PDE4D: variants seen among roughly 807,000 people sequenced by gnomAD.
PDE4D encodes 3',5'-cyclic-AMP phosphodiesterase 4D.
Under a neutral mutation model 87.4 loss-of-function variants are expected in PDE4D, and 24 were observed. That is an observed-to-expected ratio of 0.27 (90% CI 0.20 to 0.39). The LOEUF (loss-of-function observed/expected upper bound fraction) is 0.39, where lower values mean the gene tolerates loss of function less well. Among genes scored for constraint, PDE4D ranks in the 10% least tolerant of loss-of-function variants. PDE4D has a pLI of 1.00. For missense variants in PDE4D, 714 were observed against 1,041.0 expected, an observed-to-expected ratio of 0.69 and a Z score of 4.32; for synonymous variants, 384 against 383.2, an observed-to-expected ratio of 1.00 and a Z score of -0.02.
intron 1 of PDE4D, among the ~76,000 whole-genome samples, chr5:59,456,376 T>G (rs994277705): frequency 6.6e-6 from 1 of 152,198 alleles, no homozygotes; most frequent in African/African-American, 2.4e-5. Flanking sequence ...CTTTGCTTGC[T>G]GCCATCCATG....
At chr5:59,054,134 T>C (rs1181517210) in intron 5 of PDE4D, among the ~76,000 whole-genome samples, 1 of 152,178 alleles carries the variant, frequency 6.6e-6, no homozygotes, top group African/African-American at 2.4e-5. Flanking sequence ...CCTGTCCACC[T>C]TGAAAGTGTC....
intron 1 of PDE4D, among the ~76,000 whole-genome samples, chr5:60,257,245 AAAG>A (rs1206597739): frequency 9.4e-5 from 12 of 127,780 alleles, no homozygotes; most frequent in African/African-American, 3.0e-4. Flanking sequence ...AGAAAGAAAG[AAAG>A]AAAGAAAAGA....
chr5:60,233,009 A>T (rs964762674), intron 1 of PDE4D, among the ~76,000 whole-genome samples: 7 of 151,890 alleles, frequency 4.6e-5, no homozygotes, highest in African/African-American at 1.7e-4. Context: ...AATCCCAATT[A>T]TCCCTTAATA....
At chr5:60,211,950 A>C (rs546744636) in intron 1 of PDE4D, among the ~76,000 whole-genome samples, 39 of 152,308 alleles carry the variant, frequency 2.6e-4, no homozygotes, top group African/African-American at 9.4e-4. Context: ...TCCATGATTA[A>C]CTTAATTTCA....
At chr5:59,788,801 A>G (rs950571182) in intron 1 of PDE4D, among the ~76,000 whole-genome samples, 1 of 152,268 alleles carries the variant, frequency 6.6e-6, no homozygotes, top group African/African-American at 2.4e-5. Context: ...CCCTTGTTGC[A>G]TTAGGCTAGA....
At chr5:59,508,998 G>A (rs563529551) in intron 1 of PDE4D, among the ~76,000 whole-genome samples, 4 of 151,996 alleles carry the variant, frequency 2.6e-5, no homozygotes, top group South Asian at 4.1e-4. Context: ...GAATGGCAAC[G>A]AGGCAATATT....
intron 1 of PDE4D, among the ~76,000 whole-genome samples, chr5:59,318,179 G>C (rs1282012443): frequency 6.6e-6 from 1 of 152,068 alleles, no homozygotes; most frequent in Admixed American, 6.6e-5. Context: ...CTCTGGTCTG[G>C]GTACACTGGA....
In PDE4D at chr5:60,016,011, T is replaced by TTC. The variant is rs557990158; in HGVS notation, c.43-27296_43-27295dup. On this transcript the variant is annotated intron_variant, in intron 2 of 16. Transcript: ENST00000502484. ...CACGCCATTCTTAAAATAATCTCTG[T>TTC]TCTCTCTCTCTCTCTGTGTGTGTGT... 7.3e-3 allele frequency among the ~76,000 whole-genome samples: 1,065 copies of TTC among 146,602 alleles called. 16 individuals carry two copies. Among genetic ancestry groups the TTC allele is most frequent in the African/African-American group, 0.025 (1,006 of 39,530 alleles).
chr5:59,181,571 T>TATATATATATATATATATATATATA (rs1554090340), intron 4 of PDE4D, among the ~76,000 whole-genome samples: 2 of 133,582 alleles, frequency 1.5e-5, no homozygotes, highest in African/African-American at 5.7e-5. Context: ...TATATATATA[T>TATATATATATATATATATATATATA]TAGGTATATA....
chr5:59,828,529 T>C (rs374071394), intron 1 of PDE4D, among the ~76,000 whole-genome samples: 3 of 152,100 alleles, frequency 2.0e-5, no homozygotes, highest in East Asian at 3.9e-4. Flanking sequence ...GGGGATGCTC[T>C]TTCAGATTTG....
At chr5:59,888,125 A>G (rs1289343074) in intron 1 of PDE4D, among the ~76,000 whole-genome samples, 2 of 152,248 alleles carry the variant, frequency 1.3e-5, no homozygotes, top group African/African-American at 2.4e-5. Context: ...CCATAATCTT[A>G]GAGAAATATG....
chr5:59,331,865 C>T (rs2153577180), intron 1 of PDE4D, among the ~76,000 whole-genome samples: 1 of 152,312 alleles, frequency 6.6e-6, no homozygotes, highest in African/African-American at 2.4e-5. Context: ...TGAAATTATC[C>T]TTCAACATTC....
chr5:59,645,180 G>A (rs1742244369), intron 1 of PDE4D, among the ~76,000 whole-genome samples: 1 of 152,126 alleles, frequency 6.6e-6, no homozygotes, highest in South Asian at 2.1e-4. Flanking sequence ...GTTTCCTTAG[G>A]CAAACAGATT....
intron 2 of PDE4D, among the ~76,000 whole-genome samples, chr5:60,005,394 A>G (rs1582139986): frequency 6.6e-6 from 1 of 152,072 alleles, no homozygotes; most frequent in Non-Finnish European, 1.5e-5. Flanking sequence ...GCTTGGTGAC[A>G]ATAGATAATA....
intron 1 of PDE4D, among the ~76,000 whole-genome samples, chr5:59,374,269 T>C (rs1337803067): frequency 6.6e-6 from 1 of 152,114 alleles, no homozygotes; most frequent in East Asian, 1.9e-4. Context: ...TGGTATGCTG[T>C]CTTCAAGAGA....
At chr5:60,249,785 C>T (rs1748217440) in intron 1 of PDE4D, among the ~76,000 whole-genome samples, 1 of 151,808 alleles carries the variant, frequency 6.6e-6, no homozygotes, top group African/African-American at 2.4e-5. Flanking sequence ...TATTCATCAC[C>T]CTTGTCACTC....
At chr5:59,184,801 G>T (rs532328351) in intron 4 of PDE4D, among the ~76,000 whole-genome samples, 3 of 152,030 alleles carry the variant, frequency 2.0e-5, no homozygotes, top group Admixed American at 2.0e-4. Flanking sequence ...ATGATATGGC[G>T]CTTCTCCAAA....
At chr5:59,202,341 G>A (rs1163703946) in intron 2 of PDE4D, among the ~76,000 whole-genome samples, 2 of 151,788 alleles carry the variant, frequency 1.3e-5, no homozygotes, top group Non-Finnish European at 1.5e-5. Flanking sequence ...CGCCTCGCCC[G>A]TTTTGATCAT....
At chr5:59,248,050 A>C (rs1245173584) in intron 1 of PDE4D, among the ~76,000 whole-genome samples, 9 of 148,014 alleles carry the variant, frequency 6.1e-5, no homozygotes, top group African/African-American at 1.7e-4. Flanking sequence ...AGTAAAAAAA[A>C]AAAAAAAAAA....
Sources: gnomAD v4.1 joint callset for allele counts (sites outside exome capture counted in the v4.1 genomes callset) on GRCh38, gnomAD v4.1.1 for gene constraint, MANE v1.5 for transcripts, NCBI Gene and HGNC (gene_info 2026-07-23, HGNC 2026-07-21) for gene names.